Variants in PPP3CC observed in about 807,000 individuals in gnomAD.
PPP3CC encodes serine/threonine-protein phosphatase 2B catalytic subunit gamma isoform.
A neutral mutation model predicts 60.3 loss-of-function variants in PPP3CC; 35 were observed. The observed-to-expected ratio is 0.58, with a 90% CI of 0.44 to 0.77. The LOEUF is 0.77. Ranked by LOEUF, PPP3CC falls within the 30% of genes least tolerant of loss-of-function variation. PPP3CC has a pLI of 0.00. For missense variants in PPP3CC, 570 were observed against 628.9 expected (o/e 0.91, Z 1.00); for synonymous variants, 206 against 224.3 (o/e 0.92, Z 0.73).
chr8:22,468,551 C>T (rs1304189014), intron 1 of PPP3CC, among the ~76,000 whole-genome samples: 1 of 151,116 alleles, frequency 6.6e-6, no homozygotes, highest in Non-Finnish European at 1.5e-5. Context: ...TTTTTTTAAT[C>T]AGCTGGCAAA....
intron 8 of PPP3CC, among the ~76,000 whole-genome samples, chr8:22,523,050 G>C (rs1182387330): frequency 6.6e-6 from 1 of 152,128 alleles, no homozygotes; most frequent in Non-Finnish European, 1.5e-5. Flanking sequence ...AGAATAGTTA[G>C]CATAAATTAT....
chr8:22,492,782 G>C, intron 3 of PPP3CC: 2 of 1,006,546 alleles, frequency 2.0e-6, no homozygotes, highest in South Asian at 2.6e-5. Flanking sequence ...GGTAAACAAT[G>C]TCTCTGGTAT....
chr8:22,484,045 CTG>C (rs1360298570), intron 3 of PPP3CC, among the ~76,000 whole-genome samples: 5 of 151,646 alleles, frequency 3.3e-5, no homozygotes, highest in African/African-American at 4.9e-5. Context: ...TTGGGTCTCA[CTG>C]TGTTGTTCAG....
intron 1 of PPP3CC, among the ~76,000 whole-genome samples, chr8:22,453,691 G>A (rs908621416): frequency 2.6e-5 from 4 of 152,186 alleles, no homozygotes; most frequent in Admixed American, 1.3e-4. Flanking sequence ...AAACGTAGAT[G>A]TTACACACCT....
Position 22,500,057 on chromosome 8 carries a change from T to C in PPP3CC, c.484+1945T>C, listed in dbSNP as rs115709480. ...GAGTTCATTTGAATGAATGAGCATC[T>C]GTGATTTGTATGTTTAGAACACACT... On this transcript the variant is annotated intron_variant, in intron 4 of 13. Coordinates refer to ENST00000240139, the MANE Select transcript of PPP3CC (RefSeq NM_005605.5). 3.2e-3 allele frequency among the ~76,000 whole-genome samples: 491 copies of C among 152,314 alleles called. 3 individuals carry two copies. The highest frequency in any genetic ancestry group is 0.011 in the African/African-American group (465 of 41,558).
rs983307843 is a variant in PPP3CC, at chr8:22,475,652, C to G, written c.372+28C>G. ...AAAAATTAAACTGGATATGTTGGGA[C>G]TATTATATTGTCTTTCAAAAAAGAT... is the stretch of plus-strand genomic sequence containing the variant. On this transcript the variant is annotated intron_variant, in intron 3 of 13. Coordinates refer to ENST00000240139, the MANE Select transcript of PPP3CC (RefSeq NM_005605.5). 10 of 1,585,310 alleles carry G rather than the reference C, an allele frequency of 6.3e-6. 1 individual carries two copies. The Middle Eastern group carries it at 6.7e-4, about 106-fold the overall frequency.
chr8:22,465,072 C>T (rs1274403533), intron 1 of PPP3CC, among the ~76,000 whole-genome samples: 1 of 151,808 alleles, frequency 6.6e-6, no homozygotes, highest in African/African-American at 2.4e-5. Flanking sequence ...ATCCTCCCAC[C>T]TCAGCCGCCC....
Position 22,474,094 on chromosome 8 carries a change from C to T in PPP3CC, c.50-860C>T, listed in dbSNP as rs1837814102. Among the ~76,000 whole-genome samples the T allele has an allele frequency of 2.6e-5, 4 of 151,426 alleles. No homozygotes were observed. In the South Asian group the frequency reaches 8.4e-4, roughly 32 times the overall value. On this transcript the variant is annotated intron_variant, in intron 1 of 13. Coordinates refer to ENST00000240139, the MANE Select transcript of PPP3CC (RefSeq NM_005605.5). Reference sequence around the variant, plus strand: ...ATTTTTAGTAGAGGTGGAGTTTTGCCATGTTGCCCAGGCTGGTCTTGAACT... The same window carrying T: ...ATTTTTAGTAGAGGTGGAGTTTTGCTATGTTGCCCAGGCTGGTCTTGAACT...
chr8:22,507,874 C>T (rs924830415), intron 4 of PPP3CC, among the ~76,000 whole-genome samples: 2 of 152,140 alleles, frequency 1.3e-5, no homozygotes, highest in Non-Finnish European at 2.9e-5. Context: ...TTCCAGACTC[C>T]ATTCTCTTCA....
intron 1 of PPP3CC, among the ~76,000 whole-genome samples, chr8:22,445,824 T>A (rs1157670827): frequency 1.3e-5 from 2 of 152,200 alleles, no homozygotes; most frequent in Non-Finnish European, 2.9e-5. Flanking sequence ...TATGCTTCAT[T>A]TACCATTGTG....
intron 1 of PPP3CC, among the ~76,000 whole-genome samples, chr8:22,463,522 A>G (rs759902212): frequency 8.5e-5 from 13 of 152,208 alleles, no homozygotes; most frequent in Non-Finnish European, 1.6e-4. Flanking sequence ...TAGTTGATTT[A>G]TTATATTAAC....
At chr8:22,474,046 C>T (rs561982836) in intron 1 of PPP3CC, among the ~76,000 whole-genome samples, 4 of 151,924 alleles carry the variant, frequency 2.6e-5, no homozygotes, top group African/African-American at 9.7e-5. Flanking sequence ...GGGCACTTGT[C>T]ACTACACCTG....
chr8:22,512,108 TCTAC>T (rs1839104732), intron 5 of PPP3CC, among the ~76,000 whole-genome samples: 8 of 152,340 alleles, frequency 5.3e-5, no homozygotes, highest in Admixed American at 4.6e-4. Context: ...TTTGAATTCT[TCTAC>T]CTGTCTCTCT....
At chr8:22,495,860 A>G (rs938186617) in intron 3 of PPP3CC, among the ~76,000 whole-genome samples, 4 of 151,904 alleles carry the variant, frequency 2.6e-5, no homozygotes, top group African/African-American at 9.7e-5. Context: ...TGCCTGGCCT[A>G]TTTTCATTTT....
chr8:22,515,906 T>A (rs1839230690), intron 6 of PPP3CC, among the ~76,000 whole-genome samples: 1 of 146,142 alleles, frequency 6.8e-6, no homozygotes, highest in Non-Finnish European at 1.5e-5. Context: ...TTTTTTTCTT[T>A]CTTCTTCTTT....
chr8:22,498,981 G>A (rs569485135), intron 4 of PPP3CC, among the ~76,000 whole-genome samples: 4 of 152,014 alleles, frequency 2.6e-5, no homozygotes, highest in South Asian at 2.1e-4. Flanking sequence ...AAAATTAGCC[G>A]GGTGTGGTCG....
chr8:22,487,371 C>T (rs1307353962), intron 3 of PPP3CC, among the ~76,000 whole-genome samples: 1 of 152,134 alleles, frequency 6.6e-6, no homozygotes, highest in Non-Finnish European at 1.5e-5. Context: ...CACCGGTAAT[C>T]CTAGCACTTT....
chr8:22,491,638 A>T (rs1838408511), intron 3 of PPP3CC, among the ~76,000 whole-genome samples: 1 of 152,172 alleles, frequency 6.6e-6, no homozygotes, highest in South Asian at 2.1e-4. Flanking sequence ...TTTCATTATC[A>T]TTCAGTATTT....
chr8:22,492,484 T>C, intron 3 of PPP3CC: 1 of 272,430 alleles, frequency 3.7e-6, no homozygotes, highest in Non-Finnish European at 6.9e-6. Context: ...CTTTTTACTT[T>C]ATAAGATTTT....
Sources: gnomAD v4.1 joint callset for allele counts (sites outside exome capture counted in the v4.1 genomes callset) on GRCh38, gnomAD v4.1.1 for gene constraint, MANE v1.5 for transcripts, NCBI Gene and HGNC (gene_info 2026-07-23, HGNC 2026-07-21) for gene names.